Variants in ROR1 observed in about 807,000 individuals in gnomAD.
The protein encoded by ROR1 is inactive tyrosine-protein kinase transmembrane receptor ROR1.
Under a neutral mutation model 78.8 loss-of-function variants are expected in ROR1, and 19 were observed. The observed-to-expected ratio is 0.24, with a 90% confidence interval of 0.17 to 0.35. The LOEUF is 0.35. ROR1 is among the 10% of genes least tolerant of loss of function. The pLI, the probability that ROR1 is intolerant of heterozygous loss-of-function variation, is 1.00. For synonymous variants in ROR1, 386 were observed against 433.6 expected, an observed-to-expected ratio of 0.89 and a Z score of 1.36; for missense variants, 917 against 1,177.8, an observed-to-expected ratio of 0.78 and a Z score of 3.24.
intron 1 of ROR1, among the ~76,000 whole-genome samples, chr1:63,968,742 G>A (rs1210366010): frequency 6.6e-6 from 1 of 152,064 alleles, no homozygotes; most frequent in African/African-American, 2.4e-5. Context: ...GTCTGGCTGG[G>A]CTCCATGTCC....
intron 4 of ROR1, among the ~76,000 whole-genome samples, chr1:64,087,715 G>A (rs1235024108): frequency 1.3e-5 from 2 of 152,178 alleles, no homozygotes; most frequent in Non-Finnish European, 1.5e-5. Context: ...AGGGAGGGGA[G>A]CCCTGCAGCA....
At chr1:63,795,207 T>C (rs995761523) in intron 1 of ROR1, among the ~76,000 whole-genome samples, 2 of 152,198 alleles carry the variant, frequency 1.3e-5, no homozygotes, top group Non-Finnish European at 2.9e-5. Flanking sequence ...GAAGCCCCGC[T>C]GAGAGGGCTC....
chr1:64,157,963 A>G lies in ROR1; in HGVS notation c.1175-1018A>G, dbSNP rs144602435. Reference sequence around the variant, plus strand: ...TGTCAATTTGAGTTTTCACACTTTGAGTTTTCTTAAAGATAGCTGATCTTC... The same window carrying G: ...TGTCAATTTGAGTTTTCACACTTTGGGTTTTCTTAAAGATAGCTGATCTTC... On this transcript the variant is annotated intron_variant, in intron 7 of 8. Coordinates refer to ENST00000371079, the MANE Select transcript of ROR1 (RefSeq NM_005012.4). Among the ~76,000 whole-genome samples, 196 of 152,274 alleles carry G rather than the reference A, an allele frequency of 1.3e-3. 1 individual carries two copies. The highest frequency in any genetic ancestry group is 4.3e-3 in the African/African-American group (179 of 41,552).
At chr1:63,997,731 C>T (rs78746807) in intron 1 of ROR1, among the ~76,000 whole-genome samples, 156 of 151,954 alleles carry the variant, frequency 1.0e-3, no homozygotes, top group African/African-American at 3.7e-3. Context: ...GTCGAAAAAT[C>T]ATTATTTTTT....
intron 7 of ROR1, among the ~76,000 whole-genome samples, chr1:64,150,847 G>GT (rs1221858513): frequency 6.6e-6 from 1 of 152,144 alleles, no homozygotes; most frequent in Non-Finnish European, 1.5e-5. Context: ...TCTCTCAAAG[G>GT]TTTTTTTGTT....
At chr1:64,084,282 A>G (rs1204838186) in intron 4 of ROR1, among the ~76,000 whole-genome samples, 1 of 152,198 alleles carries the variant, frequency 6.6e-6, no homozygotes, top group Non-Finnish European at 1.5e-5. Context: ...CTCTGAAGCA[A>G]ACGTTCTGGA....
At chr1:64,022,641 C>T (rs1646574009) in intron 2 of ROR1, among the ~76,000 whole-genome samples, 1 of 152,164 alleles carries the variant, frequency 6.6e-6, no homozygotes, top group South Asian at 2.1e-4. Context: ...TTCTTGTGTC[C>T]TCAGTTGTCA....
intron 7 of ROR1, among the ~76,000 whole-genome samples, chr1:64,154,128 AT>A (rs777178977): frequency 9.2e-5 from 14 of 151,614 alleles, no homozygotes; most frequent in South Asian, 4.2e-4. Flanking sequence ...CCTATTCAGC[AT>A]TTTTTTTTAA....
intron 1 of ROR1, among the ~76,000 whole-genome samples, chr1:63,956,306 T>C (rs1645981617): frequency 6.6e-6 from 1 of 152,138 alleles, no homozygotes; most frequent in Admixed American, 6.5e-5. Flanking sequence ...CAGAGCTCAT[T>C]TCTAAAGAGG....
intron 2 of ROR1, among the ~76,000 whole-genome samples, chr1:64,013,005 T>C (rs981610270): frequency 1.3e-5 from 2 of 152,162 alleles, no homozygotes; most frequent in African/African-American, 2.4e-5. Flanking sequence ...GAATCTTGAC[T>C]CCACTATGCG....
chr1:63,938,879 T>C (rs1017627645), intron 1 of ROR1, among the ~76,000 whole-genome samples: 8 of 152,210 alleles, frequency 5.3e-5, no homozygotes, highest in Admixed American at 5.2e-4. Context: ...ATGCCTGTAG[T>C]CCCAGCTACT....
intron 1 of ROR1, among the ~76,000 whole-genome samples, chr1:63,992,022 A>T (rs1646300217): frequency 6.6e-6 from 1 of 152,082 alleles, no homozygotes; most frequent in African/African-American, 2.4e-5. Context: ...CTGACCTTAT[A>T]TTTTAACATT....
At chr1:63,792,565 C>T (rs1003381735) in intron 1 of ROR1, among the ~76,000 whole-genome samples, 2 of 152,178 alleles carry the variant, frequency 1.3e-5, no homozygotes, top group African/African-American at 4.8e-5. Context: ...CAAGATGTTT[C>T]ACCTCTCTGG....
At chr1:63,812,398 G>T (rs1260013054) in intron 1 of ROR1, among the ~76,000 whole-genome samples, 1 of 152,186 alleles carries the variant, frequency 6.6e-6, no homozygotes, top group Admixed American at 6.5e-5. Flanking sequence ...GGGCTGCAAA[G>T]GTGAAAATAT....
At chr1:64,121,059 CTTTTTTTTTTTTTTTTTTTTTTTTTTTT>C (rs200292093) in intron 4 of ROR1, among the ~76,000 whole-genome samples, 1 of 82,004 alleles carries the variant, frequency 1.2e-5, no homozygotes, top group Non-Finnish European at 2.2e-5. Context: ...GGAGATACCC[CTTTTTTTTTTTTTTTTTTTTTTTTTTTT>C]TTTTTTTTTT....
chr1:63,955,279 T>G (rs764769976), intron 1 of ROR1, among the ~76,000 whole-genome samples: 3 of 152,206 alleles, frequency 2.0e-5, no homozygotes, highest in Admixed American at 6.5e-5. Flanking sequence ...AAAATCCTCT[T>G]AACTACAAGG....
chr1:63,936,692 C>T (rs542029919), intron 1 of ROR1, among the ~76,000 whole-genome samples: 3 of 152,228 alleles, frequency 2.0e-5, no homozygotes, highest in South Asian at 2.1e-4. Context: ...CACATCCTGC[C>T]GATGCCATTT....
intron 1 of ROR1, among the ~76,000 whole-genome samples, chr1:63,785,261 G>A (rs1245131081): frequency 2.0e-5 from 3 of 152,188 alleles, no homozygotes; most frequent in Non-Finnish European, 4.4e-5. Flanking sequence ...ACCCCCTGGA[G>A]AGTATTGGCT....
chr1:63,837,474 G>A (rs978472994), intron 1 of ROR1, among the ~76,000 whole-genome samples: 2 of 152,146 alleles, frequency 1.3e-5, no homozygotes, highest in African/African-American at 4.8e-5. Flanking sequence ...GGCCAGTAGA[G>A]CAGGTTTTTT....
Sources: gnomAD v4.1 joint callset for allele counts (sites outside exome capture counted in the v4.1 genomes callset) on GRCh38, gnomAD v4.1.1 for gene constraint, MANE v1.5 for transcripts, NCBI Gene and HGNC (gene_info 2026-07-23, HGNC 2026-07-21) for gene names.